Variants in FMN2 observed in about 807,000 individuals in gnomAD.
The protein encoded by FMN2 is formin-2.
Under a neutral mutation model 142.3 loss-of-function variants are expected in FMN2, and 51 were observed. The observed-to-expected ratio is 0.36, with a 90% CI of 0.29 to 0.45. The LOEUF (loss-of-function observed/expected upper bound fraction) is 0.45, where lower values mean the gene tolerates loss of function less well. Ranked by LOEUF, FMN2 falls within the 20% of genes least tolerant of loss-of-function variation. The pLI is 1.00. For synonymous variants in FMN2, 882 were observed against 869.8 expected (o/e 1.01, Z -0.25); for missense variants, 1,936 against 2,122.8 (o/e 0.91, Z 1.73).
chr1:240,369,073 G>T (rs567257359), intron 14 of FMN2, among the ~76,000 whole-genome samples: 62 of 152,122 alleles, frequency 4.1e-4, no homozygotes, highest in Non-Finnish European at 7.5e-4. Flanking sequence ...CTGCTGAATA[G>T]ACAGATCTCT....
At chr1:240,326,389 T>A (rs1344351579) in intron 8 of FMN2, among the ~76,000 whole-genome samples, 2 of 152,220 alleles carry the variant, frequency 1.3e-5, no homozygotes, top group African/African-American at 4.8e-5. Context: ...GTAATTCATA[T>A]GTGCTGAATA....
At chr1:240,106,787 A>T (rs916587175) in intron 1 of FMN2, among the ~76,000 whole-genome samples, 3 of 151,294 alleles carry the variant, frequency 2.0e-5, no homozygotes. Context: ...GGGTTCAAGC[A>T]ATTCTCCTGC....
At chr1:240,310,258 A>G (rs556337244) in intron 8 of FMN2, among the ~76,000 whole-genome samples, 16 of 152,346 alleles carry the variant, frequency 1.1e-4, no homozygotes, top group African/African-American at 3.4e-4. Flanking sequence ...TCCCATAAAT[A>G]CAACACACTT....
rs1445706523 is a variant in FMN2, at chr1:240,092,419, C to T, written c.310C>T (p.Gln104Ter). Residue 104 changes from glutamine (Q) to a stop codon, truncating the protein, a stop_gained, in exon 1 of 18, where the codon CAG becomes TAG. Transcript: ENST00000319653. LOFTEE classifies it high-confidence loss of function. ...REDVLDSQAL[Q>*]TGELDSAHSL... ...AGATGTACTGGATTCCCAGGCCCTG[C>T]AGACCGGGGAGCTGGACAGCGCTCA... The T allele has an allele frequency of 6.2e-7, 1 of 1,612,248 alleles. No homozygotes were observed. Among genetic ancestry groups the T allele is most frequent in the East Asian group, 2.2e-5 (1 of 44,800 alleles).
chr1:240,295,513 C>T (rs1461934219), intron 8 of FMN2, among the ~76,000 whole-genome samples: 1 of 151,940 alleles, frequency 6.6e-6, no homozygotes, highest in Non-Finnish European at 1.5e-5. Flanking sequence ...TTTTTAGATT[C>T]CTTATTTGTC....
Position 240,329,109 on chromosome 1 carries a change from A to G in FMN2, c.4249A>G (p.Lys1417Glu), listed in dbSNP as rs1335262493. 6.2e-7 allele frequency: 1 copy of G among 1,613,984 alleles called. No individual in the cohort carries two copies. The highest frequency in any genetic ancestry group is 8.5e-7 in the Non-Finnish European group (1 of 1,179,988). The change falls in exon 9 of 18, where the codon AAG becomes GAG. Residue 1417 changes from lysine to glutamate, a missense_variant. Physicochemically the swap from Lys to Glu is moderately conservative, Grantham distance 56. Transcript: ENST00000319653. ...AQSDELEKIE[K>E]HGRSSKDKEN... ...GTCAGACGAACTCGAAAAAATAGAAAAGCATGGCCGATCTTCCAAAGACAA... is the reference window on the plus strand; with the variant it reads ...GTCAGACGAACTCGAAAAAATAGAAGAGCATGGCCGATCTTCCAAAGACAA...
chr1:240,205,891 CTTT>C (rs57803350), intron 4 of FMN2, among the ~76,000 whole-genome samples: 1 of 120,574 alleles, frequency 8.3e-6, no homozygotes, highest in Non-Finnish European at 1.7e-5. Flanking sequence ...TATCAGCCAT[CTTT>C]TTTTTTTTTT....
intron 2 of FMN2, among the ~76,000 whole-genome samples, chr1:240,128,039 T>A (rs945200194): frequency 5.9e-5 from 9 of 152,104 alleles, no homozygotes; most frequent in African/African-American, 2.2e-4. Flanking sequence ...GCTGGGTAGA[T>A]GGTTGTGCCA....
chr1:240,310,615 C>T (rs1186654278), intron 8 of FMN2, among the ~76,000 whole-genome samples: 1 of 152,174 alleles, frequency 6.6e-6, no homozygotes, highest in Non-Finnish European at 1.5e-5. Flanking sequence ...GGGTTATTGA[C>T]TGTCATTAAG....
chr1:240,213,066 T>C (rs1327582383), intron 6 of FMN2, among the ~76,000 whole-genome samples: 1 of 152,222 alleles, frequency 6.6e-6, no homozygotes, highest in Non-Finnish European at 1.5e-5. Context: ...TATTAAGTTT[T>C]AGCTTACTGA....
rs540554547 is a variant in FMN2, at chr1:240,199,746, A to G, written c.1987-7053A>G. On this transcript the variant is annotated intron_variant, in intron 4 of 17. Coordinates refer to ENST00000319653, the MANE Select transcript of FMN2 (RefSeq NM_020066.5). ...GAAACAGTATTTTAAAGTACAAATA[A>G]TCTCAAAATTGGTAATCTATAAAGC... 1.2e-4 allele frequency among the ~76,000 whole-genome samples: 18 copies of G among 152,184 alleles called. No homozygotes were observed. In the South Asian group the frequency reaches 3.7e-3, roughly 31 times the overall value.
At chr1:240,317,017 T>C (rs1288667402) in intron 8 of FMN2, among the ~76,000 whole-genome samples, 1 of 152,150 alleles carries the variant, frequency 6.6e-6, no homozygotes, top group Non-Finnish European at 1.5e-5. Flanking sequence ...ACAATCAAGA[T>C]GTAAAACAGG....
chr1:240,265,609 G>C (rs2102910032), intron 7 of FMN2, among the ~76,000 whole-genome samples: 1 of 152,264 alleles, frequency 6.6e-6, no homozygotes, highest in Non-Finnish European at 1.5e-5. Context: ...ATATATTTCT[G>C]TTTAAGCACC....
intron 8 of FMN2, among the ~76,000 whole-genome samples, chr1:240,301,606 C>T (rs948766033): frequency 6.6e-6 from 1 of 151,720 alleles, no homozygotes; most frequent in Non-Finnish European, 1.5e-5. Flanking sequence ...ATCTCACCTT[C>T]CTTTTTTTTG....
intron 15 of FMN2, among the ~76,000 whole-genome samples, chr1:240,400,400 C>T (rs1303427333): frequency 2.0e-5 from 3 of 152,168 alleles, no homozygotes; most frequent in Admixed American, 2.0e-4. Context: ...GGAAGCCAGG[C>T]TAAAAAATAA....
intron 2 of FMN2, chr1:240,143,571 C>T (rs1057360943): frequency 1.2e-6 from 2 of 1,606,246 alleles, no homozygotes; most frequent in African/African-American, 2.7e-5. Context: ...TCAGCACATT[C>T]CCAGAGCCTG....
rs1661036788 is a variant in FMN2 at position 240,092,798 on chromosome 1, A to G, written c.689A>G (p.Glu230Gly). 6.9e-6 allele frequency: 11 copies of G among 1,589,334 alleles called. No homozygotes were observed. Among genetic ancestry groups the G allele is most frequent in the Non-Finnish European group, 9.4e-6 (11 of 1,168,548 alleles). The change falls in exon 1 of 18, where the codon GAG (glutamate) becomes GGG (glycine). Residue 230 changes from glutamate to glycine, a missense_variant. This residue lies in a region of FMN2 where 751 missense variants were observed against 791.8 expected (regional missense o/e 0.95). Coordinates refer to ENST00000319653, the MANE Select transcript of FMN2 (RefSeq NM_020066.5). ...CAGCAGCAGCAGCTCCAGGGCGCCG[A>G]GGAGCCTGCAGCGCCCCCCACTGCC... ...QQQQQQLQGA[E>G]EPAAPPTAVS...
At chr1:240,363,804 A>C (rs1466692690) in intron 14 of FMN2, among the ~76,000 whole-genome samples, 1 of 151,794 alleles carries the variant, frequency 6.6e-6, no homozygotes. Context: ...CCTTGTCCCC[A>C]ACCCCTTTGT....
chr1:240,324,120 C>T (rs575104487), intron 8 of FMN2, among the ~76,000 whole-genome samples: 70 of 152,144 alleles, frequency 4.6e-4, no homozygotes, highest in Non-Finnish European at 6.8e-4. Flanking sequence ...AGTTGTGGTC[C>T]GCGAGTGATA....
Sources: allele counts gnomAD v4.1 joint callset (sites outside exome capture counted in the v4.1 genomes callset), GRCh38; gene constraint gnomAD v4.1.1; regional missense constraint gnomAD v4.1.1; transcripts MANE v1.5; gene names NCBI Gene and HGNC (gene_info 2026-07-23, HGNC 2026-07-21).